KIAA0586: variants seen among roughly 807,000 people sequenced by gnomAD.
The protein encoded by KIAA0586 is protein TALPID3.
In KIAA0586, 144 loss-of-function variants were observed where a neutral mutation model predicts 169.8. The ratio of observed to expected loss-of-function variants is 0.85; its 90% CI spans 0.74 to 0.97. KIAA0586 has a LOEUF of 0.97. Ranked by LOEUF, KIAA0586 falls within the 50% of genes least tolerant of loss-of-function variation. KIAA0586 has a pLI of 0.00. For synonymous variants in KIAA0586, 625 were observed against 612.4 expected, an observed-to-expected ratio of 1.02 and a Z score of -0.30; for missense variants, 1,854 against 1,823.0, an observed-to-expected ratio of 1.02 and a Z score of -0.31.
intron 8 of KIAA0586, among the ~76,000 whole-genome samples, chr14:58,451,509 G>A (rs1037740048): frequency 1.3e-5 from 2 of 152,080 alleles, no homozygotes; most frequent in East Asian, 1.9e-4. Flanking sequence ...TTACAGATGT[G>A]AGCCACTGTG....
At chr14:58,554,336 A>T (rs533478749), downstream of KIAA0586, among the ~76,000 whole-genome samples, 7 of 152,330 alleles carry the variant, frequency 4.6e-5, no homozygotes, top group Admixed American at 3.9e-4. Flanking sequence ...CACTTTTGCA[A>T]CTTAAAAAAC....
In KIAA0586 at chr14:58,531,338, A is replaced by AT. The variant is rs201766305; in HGVS notation, c.4430-8733_4430-8732insT. 2.0e-3 allele frequency among the ~76,000 whole-genome samples: 295 copies of AT among 147,014 alleles called. 4 individuals are homozygous for AT. The highest frequency in any genetic ancestry group is 6.8e-3 in the African/African-American group (259 of 37,996). ...CGAGACTCCGTCTCAAAAAAAAAAA[A>AT]AAATAAAATAAATAAAAAATAAAAA... On this transcript the variant is annotated intron_variant, in intron 29 of 30. Transcript: ENST00000652326.
rs1293468413 is a variant in KIAA0586, at chr14:58,549,746, C to T, written c.*1814C>T. 1 of 152,168 alleles carries T rather than the reference C, an allele frequency of 6.6e-6. No homozygotes were observed. Among genetic ancestry groups the T allele is most frequent in the Non-Finnish European group, 1.5e-5 (1 of 68,048 alleles). The allele number at this position is 152,168 out of a possible 1,614,324, so 9.4% of individuals were successfully genotyped here. ...GCTGGAGAAATGTTGCTTAGTGCTG[C>T]TTCATTTTAAACATGACACCCCACC... is the stretch of plus-strand genomic sequence containing the variant. On this transcript the variant is annotated 3_prime_UTR_variant, in exon 31 of 31. Coordinates refer to ENST00000652326, the MANE Select transcript of KIAA0586 (RefSeq NM_001329943.3).
At chr14:58,433,484 A>G (rs1192332070) in intron 4 of KIAA0586, 3 of 152,326 alleles carry the variant, frequency 2.0e-5, no homozygotes, top group Non-Finnish European at 2.9e-5. Context: ...TGTCTTTAAC[A>G]TGTTTCTTTC....
intron 13 of KIAA0586, 57 bp from the exon 14 acceptor site, chr14:58,460,929 T>G: frequency 2.0e-3 from 2,458 of 1,218,434 alleles, no homozygotes; most frequent in Non-Finnish European, 2.5e-3. Flanking sequence ...TTTAGAAAAA[T>G]GAGATAAGTG....
At chr14:58,511,980 A>G (rs1202076180) in intron 28 of KIAA0586, among the ~76,000 whole-genome samples, 1 of 152,176 alleles carries the variant, frequency 6.6e-6, no homozygotes, top group Non-Finnish European at 1.5e-5. Flanking sequence ...AAATTTGGTT[A>G]TGTTATATGA....
chr14:58,526,643 C>T (rs189522721), intron 29 of KIAA0586, among the ~76,000 whole-genome samples: 26 of 152,298 alleles, frequency 1.7e-4, no homozygotes, highest in African/African-American at 6.0e-4. Context: ...AACCAGAACA[C>T]CTCTTCTTCA....
chr14:58,492,111 T>C, intron 25 of KIAA0586, 33 bp from the exon 26 acceptor site: 1 of 1,448,866 alleles, frequency 6.9e-7, no homozygotes, highest in South Asian at 1.4e-5. Flanking sequence ...CGAAATAATT[T>C]ATTTTTATTA....
intron 30 of KIAA0586, among the ~76,000 whole-genome samples, chr14:58,542,952 AC>A (rs1275356332): frequency 6.6e-6 from 1 of 150,846 alleles, no homozygotes; most frequent in Non-Finnish European, 1.5e-5. Context: ...CCATGGTGAA[AC>A]CCCGTCTCTA....
intron 22 of KIAA0586, 54 bp from the exon 23 acceptor site, chr14:58,487,833 G>T: frequency 8.6e-7 from 1 of 1,161,172 alleles, no homozygotes; most frequent in South Asian, 1.3e-5. Flanking sequence ...GCCATCCTAT[G>T]GAGTTCTTTA....
At chr14:58,537,515 A>C (rs1480720886) in intron 29 of KIAA0586, among the ~76,000 whole-genome samples, 1 of 152,164 alleles carries the variant, frequency 6.6e-6, no homozygotes. Flanking sequence ...TTCTCTGTAG[A>C]ATTTGAAAGG....
chr14:58,480,684 T>G (rs879852918), intron 20 of KIAA0586, among the ~76,000 whole-genome samples: 1 of 152,218 alleles, frequency 6.6e-6, no homozygotes, highest in Admixed American at 6.5e-5. Context: ...TTTTCTTTGC[T>G]TTGCTCTTCT....
intron 9 of KIAA0586, among the ~76,000 whole-genome samples, chr14:58,456,090 C>A (rs186104453): frequency 3.3e-5 from 5 of 151,986 alleles, no homozygotes; most frequent in African/African-American, 1.2e-4. Flanking sequence ...TGAGTCAGTT[C>A]AAATAAAGAC....
At chr14:58,547,684 G>GCCCCCC in intron 30 of KIAA0586, 97 bp from the exon 31 acceptor site, 9 of 946,952 alleles carry the variant, frequency 9.5e-6, no homozygotes, top group African/African-American at 1.7e-5. Flanking sequence ...TGGAATCCGC[G>GCCCCCC]CCCCCCCACC....
chr14:58,438,655 G>A (rs751844940), intron 4 of KIAA0586, among the ~76,000 whole-genome samples: 17 of 152,306 alleles, frequency 1.1e-4, no homozygotes, highest in East Asian at 7.7e-4. Flanking sequence ...GCAAGCCTCC[G>A]TTGATAGGTA....
chr14:58,467,962 A>G, intron 16 of KIAA0586, 40 bp downstream of exon 16: 3 of 1,475,110 alleles, frequency 2.0e-6, no homozygotes, highest in East Asian at 4.7e-5. Flanking sequence ...TAAGGAAGAA[A>G]AAATTTTTTT....
At chr14:58,476,593 A>G (rs1259501888) in intron 19 of KIAA0586, among the ~76,000 whole-genome samples, 1 of 151,720 alleles carries the variant, frequency 6.6e-6, no homozygotes, top group East Asian at 1.9e-4. Flanking sequence ...CTAATCTGAA[A>G]GATTTTAATT....
intron 29 of KIAA0586, among the ~76,000 whole-genome samples, chr14:58,522,340 CA>C (rs1342221400): frequency 1.2e-4 from 19 of 152,206 alleles, no homozygotes; most frequent in Admixed American, 1.2e-3. Context: ...TACGTAAGTT[CA>C]GTAGTTGCTT....
At chr14:58,458,629 C>A in intron 12 of KIAA0586, 84 bp downstream of exon 12, 2 of 675,612 alleles carry the variant, frequency 3.0e-6, no homozygotes, top group South Asian at 4.6e-5. Flanking sequence ...CATTTGTTTT[C>A]AAAATATTTC....
Sources: gnomAD v4.1 joint callset for allele counts (sites outside exome capture counted in the v4.1 genomes callset) on GRCh38, gnomAD v4.1.1 for gene constraint, MANE v1.5 for transcripts, NCBI Gene and HGNC (gene_info 2026-07-23, HGNC 2026-07-21) for gene names.